Variants in SLC9D1 observed in about 807,000 individuals in gnomAD.
The protein encoded by SLC9D1 is solute carrier family 9 member D1, also known as putative LAG1-interacting protein.
chr13:113,524,091 AT>A, the SLC9D1 span: 1 of 455,390 alleles, frequency 2.2e-6, no homozygotes, highest in Non-Finnish European at 4.4e-6. Flanking sequence ...GTATTCTGTT[AT>A]TGTTGAGTGG....
chr13:113,529,469 T>G, the SLC9D1 span: 1 of 152,134 alleles, frequency 6.6e-6, no homozygotes, highest in Non-Finnish European at 1.5e-5. Context: ...GCTAACACGG[T>G]GAAACCCCGT....
the SLC9D1 span, among the ~76,000 whole-genome samples, chr13:113,512,196 G>A: frequency 6.9e-6 from 1 of 144,910 alleles, no homozygotes; most frequent in Non-Finnish European, 1.5e-5. Context: ...GGGCCGGAGT[G>A]TAGATGGAGA....
the SLC9D1 span, among the ~76,000 whole-genome samples, chr13:113,498,992 A>T: frequency 1.3e-5 from 2 of 152,204 alleles, no homozygotes; most frequent in Non-Finnish European, 2.9e-5. Context: ...CCTGTGGGTT[A>T]TTTTTATGAT....
chr13:113,528,333 C>T, the SLC9D1 span: 2 of 152,218 alleles, frequency 1.3e-5, no homozygotes, highest in African/African-American at 4.8e-5. Context: ...CCAGCCCCAC[C>T]CCGGCCCAAA....
the SLC9D1 span, among the ~76,000 whole-genome samples, chr13:113,537,013 T>G: frequency 6.6e-6 from 1 of 152,190 alleles, no homozygotes; most frequent in Non-Finnish European, 1.5e-5. Flanking sequence ...GGCTCCAGCG[T>G]CCACTTCCCG....
chr13:113,525,483 TATAAAG>T, the SLC9D1 span, among the ~76,000 whole-genome samples: 12 of 152,258 alleles, frequency 7.9e-5, no homozygotes, highest in Non-Finnish European at 1.0e-4. Context: ...TCCTTCTACT[TATAAAG>T]AGAAGTAGAA....
At chr13:113,509,812 C>T in the SLC9D1 span, among the ~76,000 whole-genome samples, 1 of 152,174 alleles carries the variant, frequency 6.6e-6, no homozygotes, top group Non-Finnish European at 1.5e-5. Flanking sequence ...GCTGAGTGCA[C>T]CCCGAGGCAC....
the SLC9D1 span, among the ~76,000 whole-genome samples, chr13:113,500,327 A>G: frequency 6.6e-6 from 1 of 152,164 alleles, no homozygotes; most frequent in Non-Finnish European, 1.5e-5. Context: ...CTTTTTTTCT[A>G]AAGGAATAAG....
the SLC9D1 span, among the ~76,000 whole-genome samples, chr13:113,526,238 T>A: frequency 1.3e-5 from 2 of 152,060 alleles, no homozygotes; most frequent in Admixed American, 6.5e-5. Context: ...TTAAAAAAAA[T>A]TAAAATAGAA....
chr13:113,515,360 G>T, the SLC9D1 span, among the ~76,000 whole-genome samples: 1 of 152,152 alleles, frequency 6.6e-6, no homozygotes, highest in Non-Finnish European at 1.5e-5. Context: ...TGTGTTTAAA[G>T]TCTGAACTTT....
At chr13:113,534,161 G>A in the SLC9D1 span, 16 of 1,613,676 alleles carry the variant, frequency 9.9e-6, no homozygotes, top group East Asian at 6.7e-5. Context: ...CCCTATTATC[G>A]GAAGCTGCAC....
the SLC9D1 span, chr13:113,549,500 A>G: frequency 5.0e-6 from 8 of 1,613,976 alleles, no homozygotes; most frequent in Non-Finnish European, 6.8e-6. Flanking sequence ...TGCAATCACG[A>G]GGTGTGTGCC....
the SLC9D1 span, among the ~76,000 whole-genome samples, chr13:113,537,712 C>A: frequency 2.6e-5 from 4 of 152,280 alleles, no homozygotes; most frequent in South Asian, 8.3e-4. Flanking sequence ...TGTCAGTGAG[C>A]GTTCTGCTGT....
the SLC9D1 span, chr13:113,536,511 T>A: frequency 1.1e-6 from 1 of 932,204 alleles, no homozygotes; most frequent in Middle Eastern, 5.5e-4. Flanking sequence ...CATTGTTTTA[T>A]CCATTCCAGA....
chr13:113,495,169 TA>T, the SLC9D1 span, among the ~76,000 whole-genome samples: 1 of 152,198 alleles, frequency 6.6e-6, no homozygotes, highest in African/African-American at 2.4e-5. Flanking sequence ...TGGACTCTCT[TA>T]AATAGACTTG....
chr13:113,501,412 A>G, the SLC9D1 span, among the ~76,000 whole-genome samples: 2 of 152,220 alleles, frequency 1.3e-5, no homozygotes, highest in East Asian at 3.8e-4. Context: ...GCTAGGTTAT[A>G]TGCACATACC....
At chr13:113,502,885 G>A in the SLC9D1 span, among the ~76,000 whole-genome samples, 1 of 152,228 alleles carries the variant, frequency 6.6e-6, no homozygotes, top group Non-Finnish European at 1.5e-5. Context: ...AGGAGCTCGA[G>A]CCCCAGCTGG....
At chr13:113,498,766 C>T in the SLC9D1 span, 1 of 369,652 alleles carries the variant, frequency 2.7e-6, no homozygotes, top group Non-Finnish European at 4.8e-6. Context: ...CTGCATTTTC[C>T]AGAGGCCAGA....
chr13:113,516,578 AAG>A, the SLC9D1 span, among the ~76,000 whole-genome samples: 34 of 149,390 alleles, frequency 2.3e-4, 1 homozygote, highest in African/African-American at 2.9e-4. Flanking sequence ...AAAAAAAAAA[AAG>A]AAAAGAAAAG....
Sources: allele counts gnomAD v4.1 joint callset (sites outside exome capture counted in the v4.1 genomes callset), GRCh38; gene constraint gnomAD v4.1.1; transcripts MANE v1.5; gene names NCBI Gene and HGNC (gene_info 2026-07-23, HGNC 2026-07-21).